The following NAA25 variants were observed in gnomAD, a reference collection of about 807,000 sequenced individuals.
NAA25 encodes the protein N-alpha-acetyltransferase 25, NatB auxiliary subunit.
In NAA25, 30 loss-of-function variants were observed where a neutral mutation model predicts 132.5. That is an observed-to-expected ratio of 0.23 (90% CI 0.17 to 0.31). The LOEUF is 0.31. Ranked by LOEUF, NAA25 falls within the 10% of genes least tolerant of loss-of-function variation. The probability of loss-of-function intolerance (pLI) is 1.00; values close to 1 mark genes in which losing one functional copy is unlikely to be tolerated. For synonymous variants in NAA25, 359 were observed against 401.9 expected (o/e 0.89, Z 1.28); for missense variants, 771 against 1,150.4 (o/e 0.67, Z 4.77).
intron 3 of NAA25, 86 bp from the exon 4 acceptor site, chr12:112,087,887 T>G: frequency 1.2e-6 from 1 of 828,258 alleles, no homozygotes; most frequent in South Asian, 1.5e-5. Flanking sequence ...CAGAAATAGA[T>G]GTCTCCTATC....
chr12:112,084,402 C>T (rs1340549815), intron 4 of NAA25, among the ~76,000 whole-genome samples: 1 of 152,166 alleles, frequency 6.6e-6, no homozygotes, highest in Admixed American at 6.5e-5. Context: ...TGTGAAATAC[C>T]TATTACCTCA....
At chr12:112,091,058 AG>A (rs1294939497) in intron 2 of NAA25, among the ~76,000 whole-genome samples, 194 bp from the exon 3 acceptor site, 10 of 152,106 alleles carry the variant, frequency 6.6e-5, no homozygotes, top group African/African-American at 2.4e-4. Context: ...ACTTGAGCCC[AG>A]GAGTTCAAGA....
intron 1 of NAA25, among the ~76,000 whole-genome samples, chr12:112,097,963 G>A (rs1382958749): frequency 6.6e-6 from 1 of 151,356 alleles, no homozygotes; most frequent in Non-Finnish European, 1.5e-5. Flanking sequence ...ACCAAAAAAA[G>A]TACAAAAATT....
Position 112,048,384 on chromosome 12 carries a change from A to C in NAA25, c.1788T>G (p.Phe596Leu), listed in dbSNP as rs750173738. 6.2e-7 allele frequency: 1 copy of C among 1,613,944 alleles called. No homozygotes were observed. The highest frequency in any genetic ancestry group is 8.5e-7 in the Non-Finnish European group (1 of 1,179,946). The change falls in exon 16 of 24, where the codon TTT (phenylalanine) becomes TTG (leucine). Residue 596 changes from phenylalanine to leucine, a missense_variant. By Grantham distance (22) the Phe-to-Leu change is conservative. Around this residue, in one of 3 missense-constraint regions of NAA25, gnomAD observed 417 missense variants for 733.8 expected, o/e 0.57. Coordinates refer to ENST00000261745, the MANE Select transcript of NAA25 (RefSeq NM_024953.4). ...TATTCAGCCTGTTCCTAAAAGCGAT[A>C]AACTCTGGGATCTTCTCAAATGCAC... is the stretch of plus-strand genomic sequence containing the variant. ...KYGAFEKIPE[F>L]IAFRNRLNNS... is the part of the protein sequence containing the mutation.
chr12:112,035,865 T>G (rs980156914), intron 22 of NAA25, among the ~76,000 whole-genome samples: 1 of 151,948 alleles, frequency 6.6e-6, no homozygotes, highest in Non-Finnish European at 1.5e-5. Flanking sequence ...AAAATTTTTT[T>G]GTTAAGACAG....
In NAA25 at chr12:112,069,002, G is replaced by A. The variant is rs371610589; in HGVS notation, c.1037-10C>T. On this transcript the variant is annotated splice_polypyrimidine_tract_variant and intron_variant, in intron 10 of 23. Coordinates refer to ENST00000261745, the MANE Select transcript of NAA25 (RefSeq NM_024953.4). The stretch of plus-strand genomic sequence containing the variant: ...AATTCTTCTGGATCACCTGGGGGAC[G>A]GGGAACAAAATCACTTTATTACTCA... 2.0e-4 allele frequency: 302 copies of A among 1,487,492 alleles called. 2 individuals carry two copies. Among genetic ancestry groups the A allele is most frequent in the South Asian group, 1.5e-3 (129 of 86,420 alleles). The allele number at this position is 1,487,492 out of a possible 1,614,324, so 92.1% of individuals were successfully genotyped here. A position where few individuals can be genotyped will look rare whatever the true frequency, so the allele number is the denominator to read the frequency against.
intron 4 of NAA25, among the ~76,000 whole-genome samples, chr12:112,081,675 A>G (rs963863294): frequency 6.6e-6 from 1 of 152,246 alleles, no homozygotes; most frequent in Non-Finnish European, 1.5e-5. Flanking sequence ...AAGCAAGAAC[A>G]TGCTTTTAAA....
In NAA25 at chr12:112,042,040, T is replaced by G; in HGVS notation, c.2439A>C (p.Lys813Asn). 1 of 1,469,498 alleles carries G rather than the reference T, an allele frequency of 6.8e-7. No homozygotes were observed. Among genetic ancestry groups the G allele is most frequent in the Non-Finnish European group, 9.1e-7 (1 of 1,102,880 alleles). 91.0% of individuals were successfully genotyped at this position (1,469,498 alleles called of 1,614,324 possible). The change falls in exon 20 of 24, where the codon AAA (lysine) becomes AAC (asparagine). Residue 813 changes from lysine to asparagine, a missense_variant and splice_region_variant. Transcript: ENST00000261745. ...NSFKSLLDQL[K>N]DVFSKCKGDL... ...GGAATCTACAGTAGGAAAACTTACCTTTTAACTGGTCTAGTAAAGACTTAA... is the reference window on the plus strand; with the variant it reads ...GGAATCTACAGTAGGAAAACTTACCGTTTAACTGGTCTAGTAAAGACTTAA...
At position 112,053,643 on chromosome 12, in the gene NAA25, C is replaced by T; in HGVS notation, c.1643G>A (p.Arg548Gln). ...ATACTGACCTAGAGATTCAGCATAT[C>T]GGGTCAAAAGATAACTAGATCAGAA... The part of the protein sequence containing the change: ...QHDTIGYLLT[R>Q]YAESLGQYAA... The change falls in exon 15 of 24, where the codon CGA becomes CAA. Residue 548 changes from arginine to glutamine, a missense_variant. Around this residue, in one of 3 missense-constraint regions of NAA25, gnomAD observed 417 missense variants for 733.8 expected, o/e 0.57. Transcript: ENST00000261745. The T allele has an allele frequency of 1.2e-6, 2 of 1,603,208 alleles. No individual in the cohort carries two copies. Among genetic ancestry groups the T allele is most frequent in the South Asian group, 1.1e-5 (1 of 89,734 alleles).
At chr12:112,042,405 AAAAT>A (rs2078312888) in intron 19 of NAA25, 1 of 165,308 alleles carries the variant, frequency 6.0e-6, no homozygotes, top group Non-Finnish European at 1.3e-5. Flanking sequence ...TATGATTTAA[AAAAT>A]AAATAAATAA....
At chr12:112,035,906 A>T (rs1034358771) in intron 22 of NAA25, among the ~76,000 whole-genome samples, 3 of 151,700 alleles carry the variant, frequency 2.0e-5, no homozygotes, top group Admixed American at 2.0e-4. Context: ...ACTGGTCTCA[A>T]AACTCCCGGG....
chr12:112,077,026 G>A (rs1262991919), intron 7 of NAA25, among the ~76,000 whole-genome samples: 1 of 151,870 alleles, frequency 6.6e-6, no homozygotes. Flanking sequence ...AAAAAAACAA[G>A]AAGTTTCTTG....
At chr12:112,106,069 T>C (rs895170497) in intron 1 of NAA25, among the ~76,000 whole-genome samples, 3 of 152,224 alleles carry the variant, frequency 2.0e-5, no homozygotes, top group Admixed American at 1.3e-4. Context: ...GCTTAAGTGC[T>C]GAATTCACGG....
At chr12:112,108,568 C>T in intron 1 of NAA25, 148 bp downstream of exon 1, 1 of 848,120 alleles carries the variant, frequency 1.2e-6, no homozygotes, top group Non-Finnish European at 1.5e-6. Context: ...GCGAGGCCCG[C>T]GGCTGCGGCC....
intron 1 of NAA25, among the ~76,000 whole-genome samples, chr12:112,107,639 C>T (rs529839039): frequency 3.3e-5 from 5 of 152,094 alleles, no homozygotes; most frequent in South Asian, 4.2e-4. Context: ...AGTTAACCAC[C>T]GCCCCCCGCT....
chr12:112,036,876 CGTGT>C lies in NAA25; in HGVS notation c.2649+2349_2649+2352del, dbSNP rs146916262. ...AAAAAAGTACGTAAAACTGTGTGTG[CGTGT>C]GTGTGTGTGTGTGCACGCGCGTGTG... On this transcript the variant is annotated intron_variant, in intron 22 of 23. Transcript: ENST00000261745. 1.1e-3 allele frequency among the ~76,000 whole-genome samples: 168 copies of C among 148,344 alleles called. 1 individual carries two copies. Among genetic ancestry groups the C allele is most frequent in the African/African-American group, 2.9e-3 (116 of 40,592 alleles).
chr12:112,067,862 A>C (rs1003682702), intron 11 of NAA25, among the ~76,000 whole-genome samples: 1 of 151,996 alleles, frequency 6.6e-6, no homozygotes, highest in South Asian at 2.1e-4. Context: ...CAGCCTCCCA[A>C]GTAGCTGGGT....
intron 1 of NAA25, among the ~76,000 whole-genome samples, chr12:112,101,876 T>TA (rs2079301582): frequency 6.6e-6 from 1 of 151,770 alleles, no homozygotes; most frequent in Admixed American, 6.6e-5. Flanking sequence ...AACTTTTTTT[T>TA]TTTTTTTTGA....
intron 5 of NAA25, among the ~76,000 whole-genome samples, chr12:112,080,819 T>C (rs2078963666): frequency 6.6e-6 from 1 of 152,056 alleles, no homozygotes. Context: ...TTTTTTTTAA[T>C]TAGCCAGGCA....
Sources: allele counts gnomAD v4.1 joint callset (sites outside exome capture counted in the v4.1 genomes callset), GRCh38; gene constraint gnomAD v4.1.1; regional missense constraint gnomAD v4.1.1; transcripts MANE v1.5; gene names NCBI Gene and HGNC (gene_info 2026-07-23, HGNC 2026-07-21).